The following ADAR variants were observed in gnomAD, a reference collection of about 807,000 sequenced individuals.
ADAR encodes double-stranded RNA-specific adenosine deaminase.
ADAR carries 41 observed loss-of-function variants against 113.2 expected under a neutral mutation model. That is an observed-to-expected ratio of 0.36 (90% CI 0.28 to 0.47). The LOEUF (loss-of-function observed/expected upper bound fraction) is 0.47. Among genes scored for constraint, ADAR ranks in the 20% least tolerant of loss-of-function variants. The probability of loss-of-function intolerance (pLI) is 1.00; values close to 1 mark genes in which losing one functional copy is unlikely to be tolerated. For synonymous variants in ADAR, 605 were observed against 572.6 expected, an observed-to-expected ratio of 1.06 and a Z score of -0.81; for missense variants, 1,242 against 1,540.9, an observed-to-expected ratio of 0.81 and a Z score of 3.25.
chr1:154,590,135 A>AGGCGGGGGGGGGGGGGGGGGG, intron 7 of ADAR, 49 bp downstream of exon 7: 8 of 1,205,010 alleles, frequency 6.6e-6, no homozygotes, highest in East Asian at 2.5e-5. Context: ...CTTAGGAGTT[A>AGGCGGGGGGGGGGGGGGGGGG]GGAGGACCCC....
At position 154,608,132 on chromosome 1, in the gene ADAR, G is replaced by T; in HGVS notation, c.-126C>A. ...TCCGCACTGGAAGTGGCCCCGGGGC[G>T]TCGGCACGGGAAACTCCGCGGGTCT... On this transcript the variant is annotated 5_prime_UTR_variant, in exon 1 of 15. Coordinates refer to ENST00000368474, the MANE Select transcript of ADAR (RefSeq NM_001111.5). The T allele has an allele frequency of 7.9e-7, 1 of 1,259,612 alleles. No individual in the cohort carries two copies. The highest frequency in any genetic ancestry group is 1.1e-6 in the Non-Finnish European group (1 of 952,210). The allele number at this position is 1,259,612 out of a possible 1,614,324, so 78.0% of individuals were successfully genotyped here.
chr1:154,588,292 G>A (rs1431889870), intron 10 of ADAR, 34 bp from the exon 11 acceptor site: 4 of 1,613,964 alleles, frequency 2.5e-6, no homozygotes, highest in Non-Finnish European at 3.4e-6. Flanking sequence ...AAACTCACCT[G>A]TGGGAAATCT....
chr1:154,592,895 G>C (rs531355581), intron 6 of ADAR, among the ~76,000 whole-genome samples: 3 of 151,988 alleles, frequency 2.0e-5, no homozygotes, highest in South Asian at 4.2e-4. Flanking sequence ...CAGCACTTTG[G>C]GAGGCTGAGG....
chr1:154,589,489 G>C, intron 8 of ADAR, 27 bp from the exon 9 acceptor site: 2 of 1,578,512 alleles, frequency 1.3e-6, no homozygotes, highest in Non-Finnish European at 1.7e-6. Flanking sequence ...AACAGAAATA[G>C]AATAATGGAA....
upstream of ADAR, among the ~76,000 whole-genome samples, chr1:154,610,424 T>C (rs905811974): frequency 6.6e-6 from 1 of 152,144 alleles, no homozygotes; most frequent in African/African-American, 2.4e-5. Context: ...CTAAATATGA[T>C]ACTGAGTGGG....
rs1208155341 is a variant in ADAR, at chr1:154,588,560, A to G, written c.2876T>C (p.Leu959Pro). The change falls in exon 10 of 15, where the codon CTG becomes CCG. Residue 959 changes from leucine (L) to proline (P), a missense_variant. Transcript: ENST00000368474. ...LQIKKTVSFH[L>P]YISTAPCGDG... ...CAGGAACTGTACAGACCTGATATAC[A>G]GATGGAATGACACAGTCTTTTTTAT... 6.2e-7 allele frequency: 1 copy of G among 1,613,980 alleles called. No homozygotes were observed. The highest frequency in any genetic ancestry group is 8.5e-7 in the Non-Finnish European group (1 of 1,180,042).
intron 1 of ADAR, among the ~76,000 whole-genome samples, chr1:154,615,042 C>G (rs4845383): frequency 1 from 151,832 of 152,366 alleles, 75,651 homozygotes; most frequent in Non-Finnish European, 1. Context: ...GCAGCCGCAA[C>G]ACAAGCGATG....
In ADAR at chr1:154,597,242, C is replaced by T. The variant is rs1203975739; in HGVS notation, c.1960G>A (p.Ala654Thr). The T allele has an allele frequency of 3.1e-6, 5 of 1,614,064 alleles. No individual in the cohort carries two copies. Among genetic ancestry groups the T allele is most frequent in the Admixed American group, 1.7e-5 (1 of 60,000 alleles). The change falls in exon 5 of 15, where the codon GCC (alanine) becomes ACC (threonine). Residue 654 changes from alanine (A) to threonine (T), a missense_variant. By Grantham distance (58) the Ala-to-Thr change is moderately conservative. Around this residue, in one of 2 missense-constraint regions of ADAR, gnomAD observed 780 missense variants for 1,057.9 expected, o/e 0.74. Coordinates refer to ENST00000368474, the MANE Select transcript of ADAR (RefSeq NM_001111.5). ...GCACTCACACTGGGGAAAGTTTGGGCTCCCACTGCAACACAGTATTGGAAC... is the reference window on the plus strand; with the variant it reads ...GCACTCACACTGGGGAAAGTTTGGGTTCCCACTGCAACACAGTATTGGAAC... ...PKFQYCVAVG[A>T]QTFPSVSAPS...
chr1:154,589,809 G>C lies in ADAR; in HGVS notation c.2616C>G (p.Ile872Met). Reference protein sequence around the residue: ...SLLGRKILAAIIMKKDSEDMG... With the variant: ...SLLGRKILAAMIMKKDSEDMG... The stretch of plus-strand genomic sequence containing the variant: ...TGTCCTCAGAGTCTTTTTTCATAAT[G>C]ATGGCGGCCAGAATCTTGCGGCCGA... Residue 872 changes from isoleucine to methionine, a missense_variant, in exon 8 of 15, where the codon ATC becomes ATG. Around this residue, in one of 2 missense-constraint regions of ADAR, gnomAD observed 780 missense variants for 1,057.9 expected, o/e 0.74. Coordinates refer to ENST00000368474, the MANE Select transcript of ADAR (RefSeq NM_001111.5). 2 of 1,614,060 alleles carry C rather than the reference G, an allele frequency of 1.2e-6. No homozygotes were observed. The highest frequency in any genetic ancestry group is 8.5e-7 in the Non-Finnish European group (1 of 1,180,020).
chr1:154,601,660 G>A lies in ADAR; in HGVS notation c.982C>T (p.Arg328Ter), dbSNP rs1322905273. The A allele has an allele frequency of 2.5e-6, 4 of 1,614,004 alleles. No individual in the cohort carries two copies. The highest frequency in any genetic ancestry group is 2.2e-5 in the South Asian group (2 of 91,080). The change falls in exon 2 of 15, where the codon CGA (arginine) becomes TGA (stop). Residue 328 changes from arginine (R) to a stop codon, truncating the protein, a stop_gained. Coordinates refer to ENST00000368474, the MANE Select transcript of ADAR (RefSeq NM_001111.5). LOFTEE classifies it high-confidence loss of function. The surrounding 1 kb of genome is among the most constrained non-coding windows in gnomAD (Gnocchi z 4.7). ...LAKNIGLTKARDINAVLIDME... is the reference protein window; with the variant it reads ...LAKNIGLTKA ...TCAATTAGCACAGCATTTATATCTC[G>A]GGCCTTGGTAAGGCCAATATTTTTA...
chr1:154,598,393 G>A lies in ADAR; in HGVS notation c.1785+9C>T. The A allele has an allele frequency of 6.2e-7, 1 of 1,613,820 alleles. No homozygotes were observed. Among genetic ancestry groups the A allele is most frequent in the Admixed American group, 1.7e-5 (1 of 60,014 alleles). ...AACTGATCCTCCCAGATGGCAGGAG[G>A]ACACCTACCTTCTCTGATTCTTTCT... On this transcript the variant is annotated intron_variant, in intron 3 of 14. Transcript: ENST00000368474.
At chr1:154,598,067 T>A in intron 3 of ADAR, 91 bp from the exon 4 acceptor site, 1 of 1,442,762 alleles carries the variant, frequency 6.9e-7, no homozygotes, top group Non-Finnish European at 9.5e-7. Flanking sequence ...GGGACTTTAT[T>A]CCCACCACCT....
rs765669048 is a variant in ADAR at position 154,601,699 on chromosome 1, C to T, written c.943G>A (p.Ala315Thr). ...CCAATATTTTTAGCCAAATTCAGGG[C>T]AGAGGAGTCAGACACATTGAAGAGA... Reference protein sequence around the residue: ...DYLFNVSDSSALNLAKNIGLT... With the variant: ...DYLFNVSDSSTLNLAKNIGLT... Residue 315 changes from alanine to threonine, a missense_variant, in exon 2 of 15, where the codon GCC (alanine) becomes ACC (threonine). Physicochemically the swap from Ala to Thr is moderately conservative, Grantham distance 58. Transcript: ENST00000368474. The surrounding 1 kb of genome is among the most constrained non-coding windows in gnomAD (Gnocchi z 4.7). 3.1e-6 allele frequency: 5 copies of T among 1,614,092 alleles called. No homozygotes were observed. The highest frequency in any genetic ancestry group is 1.3e-5 in the African/African-American group (1 of 74,928).
At chr1:154,605,881 G>A (rs4845654) in intron 1 of ADAR, 683,950 of 684,694 alleles carry the variant, frequency 1, 341,610 homozygotes, top group East Asian at 1. Context: ...AAAGTGGCTA[G>A]AGTCAGTTAA....
chr1:154,594,344 A>C (rs1353713068), intron 6 of ADAR, among the ~76,000 whole-genome samples: 2 of 152,234 alleles, frequency 1.3e-5, no homozygotes, highest in Admixed American at 1.3e-4. Flanking sequence ...CCCCAGAAGC[A>C]AACACAGTTG....
rs1557888972 is a variant in ADAR, at chr1:154,602,298, C to G, written c.344G>C (p.Gly115Ala). ...QRGFQHPSPR[G>A]RSLPQRGVDC... ...AACACCTCTCTGTGGCAGACTCCTG[C>G]CACGTGGTGAAGGATGCTGGAACCC... Residue 115 changes from glycine (G) to alanine (A), a missense_variant, in exon 2 of 15, where the codon GGC becomes GCC. By Grantham distance (60) the Gly-to-Ala change is moderately conservative. This residue lies in a region of ADAR where 462 missense variants were observed against 483.1 expected (regional missense o/e 0.96). Transcript: ENST00000368474. The G allele has an allele frequency of 6.2e-7, 1 of 1,613,908 alleles. No individual in the cohort carries two copies. Among genetic ancestry groups the G allele is most frequent in the Non-Finnish European group, 8.5e-7 (1 of 1,179,872 alleles).
intron 6 of ADAR, among the ~76,000 whole-genome samples, chr1:154,596,162 T>C (rs566999885): frequency 5.3e-5 from 8 of 152,290 alleles, no homozygotes; most frequent in Non-Finnish European, 8.8e-5. Context: ...AGGGCTATAG[T>C]AATATATGGG....
chr1:154,582,398 A>T lies in ADAR; in HGVS notation c.*2408T>A, dbSNP rs1473298096. The stretch of plus-strand genomic sequence containing the variant: ...AGAGTAGGGAGGGTCACTGCTTATT[A>T]AAAACAAAAGACTGGACAAAGAAAG... On this transcript the variant is annotated 3_prime_UTR_variant, in exon 15 of 15. Transcript: ENST00000368474. The T allele has an allele frequency of 6.6e-6, 1 of 152,226 alleles. No individual in the cohort carries two copies. Among genetic ancestry groups the T allele is most frequent in the East Asian group, 1.9e-4 (1 of 5,194 alleles). The allele number at this position is 152,226 out of a possible 1,614,324, so 9.4% of individuals were successfully genotyped here.
At chr1:154,592,890 C>T (rs563899912) in intron 6 of ADAR, among the ~76,000 whole-genome samples, 1 of 151,976 alleles carries the variant, frequency 6.6e-6, no homozygotes, top group Non-Finnish European at 1.5e-5. Flanking sequence ...AATCCCAGCA[C>T]TTTGGGAGGC....
Sources: gnomAD v4.1 joint callset for allele counts (sites outside exome capture counted in the v4.1 genomes callset) on GRCh38, gnomAD v4.1.1 for gene constraint, gnomAD v4.1.1 regional missense constraint, Gnocchi (gnomAD v3.1) non-coding constraint, MANE v1.5 for transcripts, NCBI Gene and HGNC (gene_info 2026-07-23, HGNC 2026-07-21) for gene names.